Variants in C12orf75 observed in about 807,000 individuals in gnomAD.
C12orf75 encodes the protein overexpressed in colon carcinoma 1 protein.
Under a neutral mutation model 11.4 loss-of-function variants are expected in C12orf75, and 4 were observed. The ratio of observed to expected loss-of-function variants is 0.35; its 90% CI spans 0.17 to 0.80. C12orf75 has a LOEUF of 0.80. Among genes scored for constraint, C12orf75 ranks in the 30% least tolerant of loss-of-function variants. The probability of loss-of-function intolerance (pLI) is 0.52; values close to 1 mark genes in which losing one functional copy is unlikely to be tolerated. For missense variants in C12orf75, 89 were observed against 80.4 expected, an observed-to-expected ratio of 1.11 and a Z score of -0.41; for synonymous variants, 30 against 30.0, an observed-to-expected ratio of 1.00 and a Z score of 0.00.
At position 105,366,703 on chromosome 12, in the gene C12orf75, G is replaced by T; in HGVS notation, c.187+7G>T. ...ACAAAGACGGTTCGGAAAAGTAAGT[G>T]AAATCATGTGCTGTTGATTTTCCCT... On this transcript the variant is annotated splice_region_variant and intron_variant, in intron 4 of 5. Coordinates refer to ENST00000443585, the MANE Select transcript of C12orf75 (RefSeq NM_001145199.2). 6.9e-7 allele frequency: 1 copy of T among 1,447,246 alleles called. No homozygotes were observed. The highest frequency in any genetic ancestry group is 9.5e-7 in the Non-Finnish European group (1 of 1,052,992). The allele number at this position is 1,447,246 out of a possible 1,614,324, so 89.7% of individuals were successfully genotyped here. A position where few individuals can be genotyped will look rare whatever the true frequency, so the allele number is the denominator to read the frequency against.
intron 2 of C12orf75, among the ~76,000 whole-genome samples, chr12:105,359,021 C>G (rs1185750671): frequency 6.6e-6 from 1 of 152,158 alleles, no homozygotes; most frequent in Non-Finnish European, 1.5e-5. Flanking sequence ...CATAGCTCCC[C>G]TAGCAAGAGC....
At chr12:105,356,731 T>C (rs1385977609) in intron 2 of C12orf75, among the ~76,000 whole-genome samples, 2 of 152,180 alleles carry the variant, frequency 1.3e-5, no homozygotes, top group African/African-American at 4.8e-5. Flanking sequence ...AATCTTTAGG[T>C]CACTTGGGAT....
Position 105,365,806 on chromosome 12 carries a change from G to T in C12orf75, c.72-1G>T. 6.5e-7 allele frequency: 1 copy of T among 1,547,902 alleles called. No individual in the cohort carries two copies. The highest frequency in any genetic ancestry group is 8.7e-7 in the Non-Finnish European group (1 of 1,143,618). ...CATAGCAAATGTTTCTGACCTTTTA[G>T]AACAGAAGAATCCGTAACAGAAGAT... On this transcript the variant is annotated splice_acceptor_variant, in intron 2 of 5. Coordinates refer to ENST00000443585, the MANE Select transcript of C12orf75 (RefSeq NM_001145199.2). LOFTEE classifies it high-confidence loss of function.
intron 2 of C12orf75, among the ~76,000 whole-genome samples, chr12:105,358,575 G>C (rs1027489294): frequency 6.6e-6 from 1 of 152,036 alleles, no homozygotes; most frequent in Admixed American, 6.5e-5. Context: ...CTGATAAGAT[G>C]GTATTTGAGG....
chr12:105,349,350 G>A (rs1892682294), intron 2 of C12orf75, among the ~76,000 whole-genome samples: 1 of 152,226 alleles, frequency 6.6e-6, no homozygotes, highest in South Asian at 2.1e-4. Context: ...TCAGGAGGGT[G>A]TGGAAAGATG....
chr12:105,349,873 T>G (rs1892688581), intron 2 of C12orf75, among the ~76,000 whole-genome samples: 1 of 151,942 alleles, frequency 6.6e-6, no homozygotes, highest in East Asian at 1.9e-4. Context: ...CCAGACTCTG[T>G]CTCAAAAAAA....
At chr12:105,347,549 G>A (rs1000877729) in intron 1 of C12orf75, among the ~76,000 whole-genome samples, 2 of 152,188 alleles carry the variant, frequency 1.3e-5, no homozygotes, top group Non-Finnish European at 2.9e-5. Flanking sequence ...ACAGATGAAG[G>A]CCAGAAAGCT....
intron 2 of C12orf75, among the ~76,000 whole-genome samples, chr12:105,355,315 G>A (rs34483838): frequency 0.052 from 7,859 of 151,840 alleles, 281 homozygotes; most frequent in East Asian, 0.15. Flanking sequence ...GATTACAAGC[G>A]CATGTCACCA....
rs200021874 is a variant in C12orf75, at chr12:105,354,980, A to AT, written c.71+6363dup. Among the ~76,000 whole-genome samples, 1,077 of 151,156 alleles carry AT rather than the reference A, an allele frequency of 7.1e-3. 10 individuals carry two copies. Among genetic ancestry groups the AT allele is most frequent in the African/African-American group, 0.023 (939 of 41,130 alleles). On this transcript the variant is annotated intron_variant, in intron 2 of 5. Transcript: ENST00000443585. ...GAATGATGGGACTATCGAAAGGAGGATTTTTTTTTCCTCCCTAGGGAGTGG... is the reference window on the plus strand; with the variant it reads ...GAATGATGGGACTATCGAAAGGAGGATTTTTTTTTTCCTCCCTAGGGAGTGG...
intron 1 of C12orf75, among the ~76,000 whole-genome samples, chr12:105,335,384 G>A (rs138470453): frequency 1.3e-5 from 2 of 152,304 alleles, no homozygotes; most frequent in East Asian, 3.8e-4. Flanking sequence ...TGCAAGATTT[G>A]TGGGGGAAAT....
chr12:105,359,856 G>T (rs1289443083), intron 2 of C12orf75, among the ~76,000 whole-genome samples: 1 of 151,836 alleles, frequency 6.6e-6, no homozygotes. Flanking sequence ...CCTTTTCTAC[G>T]GGAGCAAGAT....
chr12:105,349,212 C>T (rs1476475285), intron 2 of C12orf75, among the ~76,000 whole-genome samples: 1 of 152,174 alleles, frequency 6.6e-6, no homozygotes, highest in African/African-American at 2.4e-5. Flanking sequence ...CCTCCTGCCT[C>T]TAATCTAGCT....
chr12:105,332,902 C>G (rs1355486295), intron 1 of C12orf75, among the ~76,000 whole-genome samples: 2 of 149,750 alleles, frequency 1.3e-5, no homozygotes, highest in Admixed American at 6.7e-5. Context: ...AGGAGCATCT[C>G]TCTTATCACC....
At chr12:105,358,942 C>CA (rs1892822227) in intron 2 of C12orf75, among the ~76,000 whole-genome samples, 1 of 152,198 alleles carries the variant, frequency 6.6e-6, no homozygotes, top group Non-Finnish European at 1.5e-5. Flanking sequence ...CAAACCCCAG[C>CA]ACTTGGTTCC....
intron 1 of C12orf75, among the ~76,000 whole-genome samples, chr12:105,335,901 T>C (rs895529413): frequency 2.6e-5 from 4 of 152,244 alleles, no homozygotes; most frequent in Non-Finnish European, 5.9e-5. Flanking sequence ...ACAAAAAAGA[T>C]TCAAAATGAA....
chr12:105,334,697 G>T (rs1400979440), intron 1 of C12orf75, among the ~76,000 whole-genome samples: 1 of 152,126 alleles, frequency 6.6e-6, no homozygotes, highest in Non-Finnish European at 1.5e-5. Flanking sequence ...TTGCACTCTC[G>T]CTCACTCTCA....
chr12:105,366,734 T>C, intron 4 of C12orf75, 38 bp downstream of exon 4: 2 of 1,125,064 alleles, frequency 1.8e-6, no homozygotes, highest in Non-Finnish European at 2.6e-6. Flanking sequence ...TCCCTAATTA[T>C]TTATTTTTAT....
intron 1 of C12orf75, among the ~76,000 whole-genome samples, chr12:105,337,462 G>A (rs1198211573): frequency 6.6e-6 from 1 of 152,118 alleles, no homozygotes; most frequent in Non-Finnish European, 1.5e-5. Context: ...TTTCTTAAGG[G>A]GACTCTGGTA....
At chr12:105,357,778 C>CTGTGTGTGTG (rs67643973) in intron 2 of C12orf75, among the ~76,000 whole-genome samples, 13,963 of 136,550 alleles carry the variant, frequency 0.1, 708 homozygotes, top group Non-Finnish European at 0.11. Context: ...AATGTATTTT[C>CTGTGTGTGTG]TGTGTGTGTG....
Sources: allele counts gnomAD v4.1 joint callset (sites outside exome capture counted in the v4.1 genomes callset), GRCh38; gene constraint gnomAD v4.1.1; transcripts MANE v1.5; gene names NCBI Gene and HGNC (gene_info 2026-07-23, HGNC 2026-07-21).